The following PHF1 variants were observed in gnomAD, a reference collection of about 807,000 sequenced individuals.
PHF1 encodes the protein polycomb-like 1.
PHF1 carries 16 observed loss-of-function variants against 69.4 expected under a neutral mutation model. The observed-to-expected ratio is 0.23, with a 90% CI of 0.16 to 0.35. The LOEUF is 0.35. PHF1 is among the 10% of genes least tolerant of loss of function. The pLI, the probability that PHF1 is intolerant of heterozygous loss-of-function variation, is 1.00. For missense variants in PHF1, 515 were observed against 732.8 expected, an observed-to-expected ratio of 0.70 and a Z score of 3.43; for synonymous variants, 274 against 275.0, an observed-to-expected ratio of 1.00 and a Z score of 0.04.
At position 33,414,924 on chromosome 6, in the gene PHF1, G is replaced by T; in HGVS notation, c.1050-31G>T. ...GGGAGGTCTTGGGGGTGTCCGGGAG[G>T]GGGCTGGGGGGATAAGGAGGCCTCT... On this transcript the variant is annotated intron_variant, in intron 11 of 14. Coordinates refer to ENST00000374516, the MANE Select transcript of PHF1 (RefSeq NM_024165.3). This position sits in a 1 kb window ranked among gnomAD's most constrained non-coding sequence, Gnocchi z 5.0. The T allele has an allele frequency of 6.6e-7, 1 of 1,515,498 alleles. No individual in the cohort carries two copies. The allele number at this position is 1,515,498 out of a possible 1,614,324, so 93.9% of individuals were successfully genotyped here.
At position 33,413,761 on chromosome 6, in the gene PHF1, C is replaced by A. The variant is rs372034637; in HGVS notation, c.613C>A (p.Arg205=). ...GEWNLKMLQC[R]SCLQWFHEAC... The stretch of plus-strand genomic sequence containing the variant: ...GTGGAACCTGAAAATGCTGCAGTGC[C>A]GGAGCTGCCTGCAGTGGTTCCATGA... The change falls in exon 7 of 15, where the codon CGG becomes AGG. Residue 205 remains arginine (R), a synonymous_variant. Transcript: ENST00000374516. 6.2e-7 allele frequency: 1 copy of A among 1,613,798 alleles called. No individual in the cohort carries two copies. Among genetic ancestry groups the A allele is most frequent in the Non-Finnish European group, 8.5e-7 (1 of 1,179,964 alleles).
At chr6:33,413,687 T>A (rs1776241598) in intron 6 of PHF1, 49 bp from the exon 7 acceptor site, 6 of 1,602,676 alleles carry the variant, frequency 3.7e-6, no homozygotes, top group Non-Finnish European at 5.1e-6. Flanking sequence ...TTGGGACAGT[T>A]ATGGGGAAGG....
At position 33,412,486 on chromosome 6, in the gene PHF1, C is replaced by G; in HGVS notation, c.160-22C>G. On this transcript the variant is annotated intron_variant, in intron 2 of 14. Coordinates refer to ENST00000374516, the MANE Select transcript of PHF1 (RefSeq NM_024165.3). This position sits in a 1 kb window ranked among gnomAD's most constrained non-coding sequence, Gnocchi z 4.2. Reference sequence around the variant, plus strand: ...TATCTAATTCTGGTTCCCATTTCATCCTGTTTGCTCACCCATTCCAGGTGG... The same window carrying G: ...TATCTAATTCTGGTTCCCATTTCATGCTGTTTGCTCACCCATTCCAGGTGG... The G allele has an allele frequency of 6.2e-7, 1 of 1,614,212 alleles. No homozygotes were observed. The highest frequency in any genetic ancestry group is 8.5e-7 in the Non-Finnish European group (1 of 1,179,988).
Position 33,413,420 on chromosome 6 carries a change from C to T in PHF1, c.450C>T (p.Ala150=). ...VFAIATKRGG[A]LKKGPYARAM... is the part of the protein sequence containing the mutation. ...TCCTGTCTCTGCAGAGGGGAGGTGC[C>T]CTGAAGAAGGGCCCCTATGCCCGGG... Residue 150 remains alanine, a synonymous_variant, in exon 6 of 15, where the codon GCC becomes GCT. Transcript: ENST00000374516. 1.2e-6 allele frequency: 2 copies of T among 1,614,180 alleles called. No individual in the cohort carries two copies. The highest frequency in any genetic ancestry group is 1.3e-5 in the African/African-American group (1 of 75,050).
chr6:33,414,659 G>A lies in PHF1; in HGVS notation c.945-66G>A. On this transcript the variant is annotated intron_variant, in intron 10 of 14. Transcript: ENST00000374516. The surrounding 1 kb of genome is among the most constrained non-coding windows in gnomAD (Gnocchi z 5.0). ...GAAGACTGTGACTGAAAAGGATTGA[G>A]GAATGGCGTAAGGAGGAACCGTTTT... The A allele has an allele frequency of 5.8e-6, 9 of 1,547,238 alleles. No individual in the cohort carries two copies. The highest frequency in any genetic ancestry group is 8.0e-6 in the Non-Finnish European group (9 of 1,120,936).
intron 6 of PHF1, 24 bp downstream of exon 6, chr6:33,413,581 C>T: frequency 3.1e-6 from 5 of 1,613,728 alleles, no homozygotes; most frequent in South Asian, 1.1e-5. Context: ...GGGGAGCAGA[C>T]TGTGGAATGA....
rs777731612 is a variant in PHF1, at chr6:33,413,178, C to A, written c.338-18C>A. 4 of 1,602,070 alleles carry A rather than the reference C, an allele frequency of 2.5e-6. No homozygotes were observed. The highest frequency in any genetic ancestry group is 3.4e-6 in the Non-Finnish European group (4 of 1,169,430). ...CACACACAGGTATGCAATAAGTGGT[C>A]TACTATTATCACTGCAGCTTATCAC... is the stretch of plus-strand genomic sequence containing the variant. On this transcript the variant is annotated intron_variant, in intron 4 of 14. Transcript: ENST00000374516.
In PHF1 at chr6:33,412,410, T is replaced by C. The variant is rs753975753; in HGVS notation, c.147T>C (p.Gly49=). The C allele has an allele frequency of 2.3e-5, 37 of 1,614,102 alleles. No homozygotes were observed. Among genetic ancestry groups the C allele is most frequent in the Non-Finnish European group, 2.7e-5 (32 of 1,180,038 alleles). The change falls in exon 2 of 15, where the codon GGT becomes GGC. Residue 49 remains glycine, a synonymous_variant. Transcript: ENST00000374516. The surrounding 1 kb of genome is among the most constrained non-coding windows in gnomAD (Gnocchi z 4.2). ...GGACTGATGGGCTGCTATACTTGGG[T>C]ACCATCAAAAAGGTAAGACCTTCTA... ...ARWTDGLLYL[G]TIKKVDSARE... is the part of the protein sequence containing the mutation.
chr6:33,414,926 G>A lies in PHF1; in HGVS notation c.1050-29G>A, dbSNP rs1776335592. Reference sequence around the variant, plus strand: ...GAGGTCTTGGGGGTGTCCGGGAGGGGGCTGGGGGGATAAGGAGGCCTCTTA... The same window carrying A: ...GAGGTCTTGGGGGTGTCCGGGAGGGAGCTGGGGGGATAAGGAGGCCTCTTA... On this transcript the variant is annotated intron_variant, in intron 11 of 14. Transcript: ENST00000374516. This position sits in a 1 kb window ranked among gnomAD's most constrained non-coding sequence, Gnocchi z 5.0. The A allele has an allele frequency of 6.6e-7, 1 of 1,521,236 alleles. No individual in the cohort carries two copies. Among genetic ancestry groups the A allele is most frequent in the African/African-American group, 1.4e-5 (1 of 72,178 alleles). The allele number at this position is 1,521,236 out of a possible 1,614,324, so 94.2% of individuals were successfully genotyped here.
rs1209938443 is a variant in PHF1, at chr6:33,415,408, T to C, written c.1334+79T>C. 1.2e-5 allele frequency: 16 copies of C among 1,312,752 alleles called. No homozygotes were observed. In the East Asian group the frequency reaches 3.5e-4, roughly 29 times the overall value. The allele number at this position is 1,312,752 out of a possible 1,614,324, so 81.3% of individuals were successfully genotyped here. A position where few individuals can be genotyped will look rare whatever the true frequency, so the allele number is the denominator to read the frequency against. ...TTCTGGACTTTATCACCCAGAATTCTTTTCCCTCTCCCCCTTGGCTACCCA... is the reference window on the plus strand; with the variant it reads ...TTCTGGACTTTATCACCCAGAATTCCTTTCCCTCTCCCCCTTGGCTACCCA... On this transcript the variant is annotated intron_variant, in intron 13 of 14. Transcript: ENST00000374516.
intron 13 of PHF1, 64 bp downstream of exon 13, chr6:33,415,393 T>C: frequency 7.2e-7 from 1 of 1,387,460 alleles, no homozygotes; most frequent in South Asian, 1.2e-5. Context: ...TTCTGGACTT[T>C]ATCACCCAGA....
intron 7 of PHF1, 99 bp from the exon 8 acceptor site, chr6:33,413,942 G>A (rs1257735085): frequency 2.8e-5 from 44 of 1,545,330 alleles, no homozygotes; most frequent in Middle Eastern, 2.1e-4. Context: ...CCTCTGCAGC[G>A]TTACCTCACC....
In PHF1 at chr6:33,412,421, A is replaced by G. The variant is rs779235793; in HGVS notation, c.158A>G (p.Lys53Arg). Residue 53 changes from lysine (K) to arginine (R), a missense_variant and splice_region_variant, in exon 2 of 15, where the codon AAG becomes AGG. Physicochemically the swap from Lys to Arg is conservative, Grantham distance 26. Around this residue, in one of 5 missense-constraint regions of PHF1, gnomAD observed 22 missense variants for 48.9 expected, o/e 0.45. Transcript: ENST00000374516. This position sits in a 1 kb window ranked among gnomAD's most constrained non-coding sequence, Gnocchi z 4.2. ...DGLLYLGTIKKVDSAREVCLV... is the reference protein window; with the variant it reads ...DGLLYLGTIKRVDSAREVCLV... ...CTGCTATACTTGGGTACCATCAAAA[A>G]GGTAAGACCTTCTACCTCTGACCTT... The G allele has an allele frequency of 3.7e-6, 6 of 1,614,234 alleles. No individual in the cohort carries two copies. The East Asian group carries it at 6.7e-5, about 18-fold the overall frequency.
chr6:33,410,757 C>A (rs1288144679), upstream of PHF1: 3 of 152,026 alleles, frequency 2.0e-5, no homozygotes, highest in Non-Finnish European at 4.4e-5. Context: ...GGGATTCCCT[C>A]GTGCCCCAAG....
At position 33,414,876 on chromosome 6, in the gene PHF1, TG is replaced by T; in HGVS notation, c.1049+53del. On this transcript the variant is annotated intron_variant, in intron 11 of 14. Coordinates refer to ENST00000374516, the MANE Select transcript of PHF1 (RefSeq NM_024165.3). The surrounding 1 kb of genome is among the most constrained non-coding windows in gnomAD (Gnocchi z 5.0). ...GGGGAAATTCTCAGGGTGTTAGTCC[TG>T]GGGGGTATATGTATAGAGATGGGGA... 2.2e-6 allele frequency: 3 copies of T among 1,361,128 alleles called. No homozygotes were observed. Among genetic ancestry groups the T allele is most frequent in the South Asian group, 1.2e-5 (1 of 83,642 alleles). 84.3% of individuals were successfully genotyped at this position (1,361,128 alleles called of 1,614,324 possible).
chr6:33,412,262 C>G lies in PHF1; in HGVS notation c.-2C>G. ...TTTCTGGCTAGGCCCCCCCAGGATGCAATGGCGCAGCCCCCCCGGCTGAGC... is the reference window on the plus strand; with the variant it reads ...TTTCTGGCTAGGCCCCCCCAGGATGGAATGGCGCAGCCCCCCCGGCTGAGC... On this transcript the variant is annotated 5_prime_UTR_variant, in exon 2 of 15. Transcript: ENST00000374516. The surrounding 1 kb of genome is among the most constrained non-coding windows in gnomAD (Gnocchi z 4.2). 1 of 1,611,828 alleles carries G rather than the reference C, an allele frequency of 6.2e-7. No individual in the cohort carries two copies. The highest frequency in any genetic ancestry group is 8.5e-7 in the Non-Finnish European group (1 of 1,178,696).
Position 33,412,720 on chromosome 6 carries a change from C to T in PHF1, c.264C>T (p.Leu88=). The change falls in exon 4 of 15, where the codon CTC becomes CTT. Residue 88 remains leucine (L), a synonymous_variant. Transcript: ENST00000374516. This position sits in a 1 kb window ranked among gnomAD's most constrained non-coding sequence, Gnocchi z 4.2. The part of the protein sequence containing the change: ...ISPAALPGEE[L]LCCVCRSETV... The stretch of plus-strand genomic sequence containing the variant: ...CAGCTGCCCTCCCTGGAGAGGAACT[C>T]CTCTGTTGTGTCTGTCGCTCTGAGA... 1.9e-6 allele frequency: 3 copies of T among 1,614,106 alleles called. No homozygotes were observed. Among genetic ancestry groups the T allele is most frequent in the Non-Finnish European group, 2.5e-6 (3 of 1,180,012 alleles).
chr6:33,412,893 C>G lies in PHF1; in HGVS notation c.337+100C>G. On this transcript the variant is annotated intron_variant, in intron 4 of 14. Coordinates refer to ENST00000374516, the MANE Select transcript of PHF1 (RefSeq NM_024165.3). This position sits in a 1 kb window ranked among gnomAD's most constrained non-coding sequence, Gnocchi z 4.2. ...CTTAGTCCCCAAGCCACTGCTCTGG[C>G]CAGGCTGCTTAGCCTTATCTTAGTC... 9.8e-7 allele frequency: 1 copy of G among 1,015,258 alleles called. No individual in the cohort carries two copies. The highest frequency in any genetic ancestry group is 1.5e-6 in the Non-Finnish European group (1 of 649,002). 62.9% of individuals were successfully genotyped at this position (1,015,258 alleles called of 1,614,324 possible).
In PHF1 at chr6:33,416,088, G is replaced by C; in HGVS notation, c.1694G>C (p.Gly565Ala). The stretch of plus-strand genomic sequence containing the variant: ...TACCTGGTTGAGTGGGGAGGAGGGG[G>C]CATCTTCTGAACAGCCTGCCTCTGC... ...VQYLVEWGGG[G>A]IF The change falls in exon 15 of 15, where the codon GGC becomes GCC. Residue 565 changes from glycine (G) to alanine (A), a missense_variant. Around this residue, in one of 5 missense-constraint regions of PHF1, gnomAD observed 274 missense variants for 304.5 expected, o/e 0.90. Transcript: ENST00000374516. 1 of 1,543,468 alleles carries C rather than the reference G, an allele frequency of 6.5e-7. No individual in the cohort carries two copies. The highest frequency in any genetic ancestry group is 8.7e-7 in the Non-Finnish European group (1 of 1,144,064).
Sources: gnomAD v4.1 joint callset for allele counts on GRCh38, gnomAD v4.1.1 for gene constraint, gnomAD v4.1.1 regional missense constraint, Gnocchi (gnomAD v3.1) non-coding constraint, MANE v1.5 for transcripts, NCBI Gene and HGNC (gene_info 2026-07-23, HGNC 2026-07-21) for gene names.